Variants in MAP3K4 observed in about 807,000 individuals in gnomAD.
MAP3K4 encodes the protein mitogen-activated protein kinase kinase kinase 4, also known as MAP three kinase 1.
In MAP3K4, 67 loss-of-function variants were observed where a neutral mutation model predicts 185.6. The ratio of observed to expected loss-of-function variants is 0.36; its 90% CI spans 0.30 to 0.44. The LOEUF (loss-of-function observed/expected upper bound fraction) is 0.44, where lower values mean the gene tolerates loss of function less well. Ranked by LOEUF, MAP3K4 falls within the 20% of genes least tolerant of loss-of-function variation. MAP3K4 has a pLI of 1.00. For missense variants in MAP3K4, 1,551 were observed against 1,995.1 expected, an observed-to-expected ratio of 0.78 and a Z score of 4.24; for synonymous variants, 702 against 710.4, an observed-to-expected ratio of 0.99 and a Z score of 0.19.
intron 13 of MAP3K4, 87 bp downstream of exon 13, chr6:161,092,230 C>G: frequency 7.0e-7 from 1 of 1,433,932 alleles, no homozygotes; most frequent in Admixed American, 1.8e-5. Flanking sequence ...TCTTTTTGAG[C>G]AGACGACACA....
Position 161,061,675 on chromosome 6 carries a change from T to C in MAP3K4, c.1708-8933T>C, listed in dbSNP as rs2114793187. The stretch of plus-strand genomic sequence containing the variant: ...AACCGCTAATCTACTTTCTGTCTCT[T>C]AATATTTGCCTAGCCATATAAATGT... On this transcript the variant is annotated intron_variant, in intron 3 of 26. Transcript: ENST00000392142. The surrounding 1 kb of genome is among the most constrained non-coding windows in gnomAD (Gnocchi z 4.2). Among the ~76,000 whole-genome samples, 1 of 152,338 alleles carries C rather than the reference T, an allele frequency of 6.6e-6. No individual in the cohort carries two copies. The highest frequency in any genetic ancestry group is 1.9e-4 in the East Asian group (1 of 5,178).
rs1431916602 is a variant in MAP3K4, at chr6:160,991,779, T to C, written c.-153T>C. On this transcript the variant is annotated 5_prime_UTR_variant, in exon 1 of 27. Transcript: ENST00000392142. The surrounding 1 kb of genome is among the most constrained non-coding windows in gnomAD (Gnocchi z 5.7). ...CACCGTAGCCCCGGCGCTCGGCCGGTCGCCGTTTCCAAGATGGCCGCGGCG... is the reference window on the plus strand; with the variant it reads ...CACCGTAGCCCCGGCGCTCGGCCGGCCGCCGTTTCCAAGATGGCCGCGGCG... 6.0e-6 allele frequency: 5 copies of C among 829,880 alleles called. No homozygotes were observed. The East Asian group carries it at 1.7e-4, about 28-fold the overall frequency. The allele number at this position is 829,880 out of a possible 1,614,324, so 51.4% of individuals were successfully genotyped here. A position where few individuals can be genotyped will look rare whatever the true frequency, so the allele number is the denominator to read the frequency against.
At chr6:161,038,552 A>G (rs1783291550) in intron 2 of MAP3K4, among the ~76,000 whole-genome samples, 5 of 152,176 alleles carry the variant, frequency 3.3e-5, no homozygotes. Flanking sequence ...TCAGAGTTGG[A>G]CTCATCTTTT....
chr6:161,116,072 G>A lies in MAP3K4; in HGVS notation c.4806+770G>A, dbSNP rs547470718. Among the ~76,000 whole-genome samples the A allele has an allele frequency of 2.6e-3, 391 of 152,274 alleles. No homozygotes were observed. The highest frequency in any genetic ancestry group is 6.9e-3 in the South Asian group (33 of 4,812). The stretch of plus-strand genomic sequence containing the variant: ...TGAACAGCGGCATTTAAGAGTTAGA[G>A]TGCCGTGGCTGACCCCTGATTGGAT... On this transcript the variant is annotated intron_variant, in intron 26 of 26. Coordinates refer to ENST00000392142, the MANE Select transcript of MAP3K4 (RefSeq NM_005922.4). The surrounding 1 kb of genome is among the most constrained non-coding windows in gnomAD (Gnocchi z 6.2).
At position 161,063,084 on chromosome 6, in the gene MAP3K4, T is replaced by C. The variant is rs1055998235; in HGVS notation, c.1708-7524T>C. Among the ~76,000 whole-genome samples the C allele has an allele frequency of 6.6e-6, 1 of 152,110 alleles. No homozygotes were observed. Among genetic ancestry groups the C allele is most frequent in the African/African-American group, 2.4e-5 (1 of 41,458 alleles). The stretch of plus-strand genomic sequence containing the variant: ...TTTTCTTTTGTTGACCTCATTTCAG[T>C]GAAGGCATTATCTGTTCTGTTTATT... On this transcript the variant is annotated intron_variant, in intron 3 of 26. Coordinates refer to ENST00000392142, the MANE Select transcript of MAP3K4 (RefSeq NM_005922.4). The surrounding 1 kb of genome is among the most constrained non-coding windows in gnomAD (Gnocchi z 5.4).
intron 2 of MAP3K4, among the ~76,000 whole-genome samples, chr6:161,035,864 G>C (rs1030138810): frequency 6.6e-6 from 1 of 152,176 alleles, no homozygotes; most frequent in African/African-American, 2.4e-5. Flanking sequence ...TAGAACATGA[G>C]TTGAGAACAC....
At position 161,115,097 on chromosome 6, in the gene MAP3K4, T is replaced by C. The variant is rs775481908; in HGVS notation, c.4627-26T>C. On this transcript the variant is annotated intron_variant, in intron 25 of 26. Coordinates refer to ENST00000392142, the MANE Select transcript of MAP3K4 (RefSeq NM_005922.4). This position sits in a 1 kb window ranked among gnomAD's most constrained non-coding sequence, Gnocchi z 6.0. Reference sequence around the variant, plus strand: ...TTTGTGGCTGTGTAATATTAAAATCTGATTTTTTAAAAACATCTTTTTTAG... The same window carrying C: ...TTTGTGGCTGTGTAATATTAAAATCCGATTTTTTAAAAACATCTTTTTTAG... 1 of 1,587,568 alleles carries C rather than the reference T, an allele frequency of 6.3e-7. No homozygotes were observed. Among genetic ancestry groups the C allele is most frequent in the East Asian group, 2.2e-5 (1 of 44,556 alleles).
rs907340845 is a variant in MAP3K4, at chr6:161,070,924, G to A, written c.1950+74G>A. The A allele has an allele frequency of 2.6e-5, 35 of 1,349,862 alleles. No homozygotes were observed. The highest frequency in any genetic ancestry group is 3.1e-5 in the Non-Finnish European group (32 of 1,019,686). The allele number at this position is 1,349,862 out of a possible 1,614,324, so 83.6% of individuals were successfully genotyped here. The stretch of plus-strand genomic sequence containing the variant: ...TACAGGCTTATCATTTTTATTTTGA[G>A]AGTTCCTTTTTTTTTCTTAATTGTC... On this transcript the variant is annotated intron_variant, in intron 4 of 26. Transcript: ENST00000392142. The surrounding 1 kb of genome is among the most constrained non-coding windows in gnomAD (Gnocchi z 4.5).
At position 161,096,554 on chromosome 6, in the gene MAP3K4, A is replaced by G. The variant is rs1182552136; in HGVS notation, c.3428-526A>G. The G allele has an allele frequency of 6.6e-6, 1 of 152,184 alleles. No individual in the cohort carries two copies. The highest frequency in any genetic ancestry group is 1.5e-5 in the Non-Finnish European group (1 of 68,040). 9.4% of individuals were successfully genotyped at this position (152,184 alleles called of 1,614,324 possible). A position where few individuals can be genotyped will look rare whatever the true frequency, so the allele number is the denominator to read the frequency against. On this transcript the variant is annotated intron_variant, in intron 15 of 26. Coordinates refer to ENST00000392142, the MANE Select transcript of MAP3K4 (RefSeq NM_005922.4). This position sits in a 1 kb window ranked among gnomAD's most constrained non-coding sequence, Gnocchi z 4.9. ...TAAATTTTATTCATATTTACCTATT[A>G]CCAGAATAAAAGAAAAAGAGAAGAA...
chr6:161,089,057 A>G (rs1276225570), intron 10 of MAP3K4, among the ~76,000 whole-genome samples: 2 of 152,158 alleles, frequency 1.3e-5, no homozygotes, highest in Non-Finnish European at 2.9e-5. Context: ...GCAGTACTGA[A>G]CTACTTGAAG....
intron 2 of MAP3K4, among the ~76,000 whole-genome samples, chr6:161,040,772 G>C (rs1445549725): frequency 6.6e-6 from 1 of 152,180 alleles, no homozygotes; most frequent in East Asian, 1.9e-4. Context: ...TTACAGAAAA[G>C]ACTTTTTAAA....
chr6:161,047,882 G>A (rs7741736), intron 2 of MAP3K4, among the ~76,000 whole-genome samples: 1 of 152,172 alleles, frequency 6.6e-6, no homozygotes, highest in Non-Finnish European at 1.5e-5. Context: ...GAAGTGGGTG[G>A]TTTTTGCTTT....
intron 3 of MAP3K4, among the ~76,000 whole-genome samples, chr6:161,065,854 C>T (rs998418832): frequency 2.8e-5 from 4 of 140,616 alleles, no homozygotes; most frequent in Non-Finnish European, 4.5e-5. Context: ...AGGAGAATGG[C>T]GTGAACCCGG....
At position 161,070,856 on chromosome 6, in the gene MAP3K4, C is replaced by T; in HGVS notation, c.1950+6C>T. The T allele has an allele frequency of 6.3e-7, 1 of 1,599,192 alleles. No individual in the cohort carries two copies. The highest frequency in any genetic ancestry group is 1.3e-5 in the African/African-American group (1 of 74,470). The stretch of plus-strand genomic sequence containing the variant: ...CTCTCTTGAGTATTAAGCAGGTTTG[C>T]TTCAAAGACTCTTTAAAATATTTAG... On this transcript the variant is annotated splice_donor_region_variant and intron_variant, in intron 4 of 26. Coordinates refer to ENST00000392142, the MANE Select transcript of MAP3K4 (RefSeq NM_005922.4). This position sits in a 1 kb window ranked among gnomAD's most constrained non-coding sequence, Gnocchi z 4.5.
intron 1 of MAP3K4, among the ~76,000 whole-genome samples, chr6:160,999,131 C>G (rs937967164): frequency 1.3e-5 from 2 of 152,190 alleles, no homozygotes; most frequent in African/African-American, 4.8e-5. Context: ...AAAGTAGATA[C>G]TAAGCTTTAA....
At chr6:161,012,984 G>A (rs1479580749) in intron 1 of MAP3K4, among the ~76,000 whole-genome samples, 11 of 152,272 alleles carry the variant, frequency 7.2e-5, no homozygotes, top group Non-Finnish European at 1.3e-4. Context: ...ACACTGCAGT[G>A]AACCTCTCGG....
chr6:161,048,651 GAC>G lies in MAP3K4; in HGVS notation c.382_383del (p.Thr128TrpfsTer13). ...TGCACCAAATCAGCCTCCACATAAA[GAC>G]ACTGGAAAAACAGTGGAGAATGTGG... ...MNAPNQPPHK[D>X]TGKTVENVEE... On this transcript the variant is annotated frameshift_variant, in exon 3 of 27. Coordinates refer to ENST00000392142, the MANE Select transcript of MAP3K4 (RefSeq NM_005922.4). LOFTEE classifies it high-confidence loss of function. This position sits in a 1 kb window ranked among gnomAD's most constrained non-coding sequence, Gnocchi z 4.7. 1 of 1,610,334 alleles carries G rather than the reference GAC, an allele frequency of 6.2e-7. No individual in the cohort carries two copies. The highest frequency in any genetic ancestry group is 8.5e-7 in the Non-Finnish European group (1 of 1,178,846).
intron 1 of MAP3K4, among the ~76,000 whole-genome samples, chr6:161,015,266 A>G (rs1034796870): frequency 6.6e-6 from 1 of 150,626 alleles, no homozygotes; most frequent in African/African-American, 2.4e-5. Context: ...ATGAGAACAC[A>G]TGGACACATG....
At position 160,992,032 on chromosome 6, in the gene MAP3K4, C is replaced by T. The variant is rs978598646; in HGVS notation, c.101C>T (p.Pro34Leu). The change falls in exon 1 of 27, where the codon CCG (proline) becomes CTG (leucine). Residue 34 changes from proline to leucine, a missense_variant. Around this residue, in one of 16 missense-constraint regions of MAP3K4, gnomAD observed 287 missense variants for 268.8 expected, o/e 1.07. Coordinates refer to ENST00000392142, the MANE Select transcript of MAP3K4 (RefSeq NM_005922.4). ...EPPPPPPPPP[P>L]PPEPETESEP... ...CCGCCACCGCCGCCGCCGCCACCAC[C>T]GCCACCGGAACCCGAGACCGAGTCA... is the stretch of plus-strand genomic sequence containing the variant. The T allele has an allele frequency of 2.7e-5, 42 of 1,567,768 alleles. No individual in the cohort carries two copies. The highest frequency in any genetic ancestry group is 2.9e-5 in the Non-Finnish European group (34 of 1,163,922).
Sources: gnomAD v4.1 joint callset for allele counts (sites outside exome capture counted in the v4.1 genomes callset) on GRCh38, gnomAD v4.1.1 for gene constraint, gnomAD v4.1.1 regional missense constraint, Gnocchi (gnomAD v3.1) non-coding constraint, MANE v1.5 for transcripts, NCBI Gene and HGNC (gene_info 2026-07-23, HGNC 2026-07-21) for gene names.